The following CERS6 variants were observed in gnomAD, a reference collection of about 807,000 sequenced individuals.
CERS6 encodes LAG1 homolog, ceramide synthase 6.
CERS6 carries 26 observed loss-of-function variants against 56.8 expected under a neutral mutation model. The observed-to-expected ratio is 0.46, with a 90% CI of 0.34 to 0.63. The LOEUF is 0.63. CERS6 is among the 30% of genes least tolerant of loss of function. CERS6 has a pLI of 0.01. For synonymous variants in CERS6, 164 were observed against 173.3 expected (o/e 0.95, Z 0.42); for missense variants, 415 against 467.5 (o/e 0.89, Z 1.04).
Position 168,740,638 on chromosome 2 carries a change from C to G in CERS6, c.845+22660C>G, listed in dbSNP as rs1184987583. Among the ~76,000 whole-genome samples the G allele has an allele frequency of 2.0e-5, 3 of 152,224 alleles. No homozygotes were observed. In the East Asian group the frequency reaches 5.8e-4, roughly 29 times the overall value. ...CGTCTGAAGAATGAGTCTGGGTTAACTCAGCGCCTGGGGCATCACAGATCT... is the reference window on the plus strand; with the variant it reads ...CGTCTGAAGAATGAGTCTGGGTTAAGTCAGCGCCTGGGGCATCACAGATCT... On this transcript the variant is annotated intron_variant, in intron 8 of 9. Coordinates refer to ENST00000305747, the MANE Select transcript of CERS6 (RefSeq NM_203463.3).
At chr2:168,659,775 G>T (rs2105327112) in intron 4 of CERS6, among the ~76,000 whole-genome samples, 1 of 151,810 alleles carries the variant, frequency 6.6e-6, no homozygotes, top group Admixed American at 6.6e-5. Context: ...CAATGTCCCT[G>T]GTACCTGACA....
chr2:168,692,053 C>T (rs1686517628), intron 5 of CERS6, among the ~76,000 whole-genome samples: 2 of 152,094 alleles, frequency 1.3e-5, no homozygotes, highest in African/African-American at 4.8e-5. Flanking sequence ...TGAGCTAGTT[C>T]AACGTTAAGG....
intron 1 of CERS6, among the ~76,000 whole-genome samples, chr2:168,503,076 T>C (rs1448432414): frequency 6.6e-6 from 1 of 152,110 alleles, no homozygotes; most frequent in East Asian, 1.9e-4. Context: ...CCCATGCTTT[T>C]CTCATAGTAG....
intron 8 of CERS6, among the ~76,000 whole-genome samples, chr2:168,740,809 G>C (rs1263853087): frequency 1.3e-5 from 2 of 152,196 alleles, no homozygotes; most frequent in Non-Finnish European, 2.9e-5. Flanking sequence ...TTTTGTTTAT[G>C]ATCACTTTAA....
chr2:168,577,195 C>T (rs1187441234), intron 3 of CERS6, among the ~76,000 whole-genome samples: 1 of 152,018 alleles, frequency 6.6e-6, no homozygotes, highest in Non-Finnish European at 1.5e-5. Flanking sequence ...CTTGAGACAG[C>T]CTCGTATGAG....
At chr2:168,560,481 A>C (rs1695767578) in intron 2 of CERS6, among the ~76,000 whole-genome samples, 1 of 152,218 alleles carries the variant, frequency 6.6e-6, no homozygotes, top group East Asian at 1.9e-4. Flanking sequence ...GGAATTGAAC[A>C]AGTGCCTATC....
At chr2:168,598,341 AG>A (rs1262575537) in intron 3 of CERS6, among the ~76,000 whole-genome samples, 6 of 152,174 alleles carry the variant, frequency 3.9e-5, no homozygotes, top group African/African-American at 1.4e-4. Flanking sequence ...TTTGGGGGGA[AG>A]AGAAAACATA....
At chr2:168,479,692 T>G (rs899276022) in intron 1 of CERS6, among the ~76,000 whole-genome samples, 1 of 152,180 alleles carries the variant, frequency 6.6e-6, no homozygotes, top group Admixed American at 6.5e-5. Flanking sequence ...CACTGCAACC[T>G]CCTCCTCCTG....
intron 1 of CERS6, among the ~76,000 whole-genome samples, chr2:168,511,439 T>G (rs922128880): frequency 5.9e-5 from 9 of 152,212 alleles, no homozygotes; most frequent in African/African-American, 2.2e-4. Context: ...GTCTTTTTGC[T>G]TCCTTTGTGG....
intron 3 of CERS6, among the ~76,000 whole-genome samples, chr2:168,597,981 T>C (rs1683840662): frequency 6.6e-6 from 1 of 152,234 alleles, no homozygotes; most frequent in East Asian, 1.9e-4. Context: ...TTCAGACTTT[T>C]TTTTGTCCTT....
intron 8 of CERS6, 55 bp from the exon 9 acceptor site, chr2:168,765,537 C>T (rs1684706966): frequency 1.1e-5 from 17 of 1,582,430 alleles, no homozygotes; most frequent in Non-Finnish European, 1.5e-5. Context: ...ACTAGAGTTC[C>T]TTGGAAAGCA....
chr2:168,745,428 A>G (rs1000909218), intron 8 of CERS6, among the ~76,000 whole-genome samples: 1 of 152,034 alleles, frequency 6.6e-6, no homozygotes, highest in Non-Finnish European at 1.5e-5. Context: ...TTTTTAGTAG[A>G]GACGGGGTTT....
At chr2:168,649,163 C>T (rs1284917654) in intron 4 of CERS6, among the ~76,000 whole-genome samples, 1 of 152,174 alleles carries the variant, frequency 6.6e-6, no homozygotes, top group African/African-American at 2.4e-5. Flanking sequence ...CATACTGCCT[C>T]AAGCTGTACT....
chr2:168,644,402 G>A (rs901968002), intron 4 of CERS6: 24 of 973,676 alleles, frequency 2.5e-5, no homozygotes, highest in Non-Finnish European at 2.9e-5. Flanking sequence ...TGAGAGGCAA[G>A]TGAGGCAGAT....
chr2:168,479,661 T>C (rs1262596508), intron 1 of CERS6, among the ~76,000 whole-genome samples: 1 of 152,156 alleles, frequency 6.6e-6, no homozygotes, highest in East Asian at 1.9e-4. Context: ...CAGGCTGGAG[T>C]GCAATGGCGC....
At chr2:168,549,435 G>C (rs892135052) in intron 2 of CERS6, among the ~76,000 whole-genome samples, 1 of 152,198 alleles carries the variant, frequency 6.6e-6, no homozygotes. Context: ...AAGAGATCGA[G>C]ACCACCTTGG....
intron 1 of CERS6, among the ~76,000 whole-genome samples, chr2:168,502,491 C>A (rs150111626): frequency 2.0e-5 from 3 of 152,036 alleles, no homozygotes; most frequent in Non-Finnish European, 2.9e-5. Context: ...TCATCTGCAG[C>A]ATGGTTGTCT....
In CERS6 at chr2:168,657,937, C is replaced by T. The variant is rs182329607; in HGVS notation, c.465+26895C>T. ...TCCTCAAATGCCACCGAAGTGGGAGCCCAGGCAGGGGAGGTGCCGAGAGCA... is the reference window on the plus strand; with the variant it reads ...TCCTCAAATGCCACCGAAGTGGGAGTCCAGGCAGGGGAGGTGCCGAGAGCA... On this transcript the variant is annotated intron_variant, in intron 4 of 9. Coordinates refer to ENST00000305747, the MANE Select transcript of CERS6 (RefSeq NM_203463.3). Among the ~76,000 whole-genome samples the T allele has an allele frequency of 3.7e-4, 56 of 152,314 alleles. 1 individual carries two copies. Among genetic ancestry groups the T allele is most frequent in the South Asian group, 1.9e-3 (9 of 4,830 alleles).
chr2:168,753,863 G>T (rs1036920202), intron 8 of CERS6, among the ~76,000 whole-genome samples: 1 of 152,160 alleles, frequency 6.6e-6, no homozygotes, highest in Admixed American at 6.5e-5. Context: ...GCTAGCTAGA[G>T]GAGAAATTTC....
Sources: allele counts gnomAD v4.1 joint callset (sites outside exome capture counted in the v4.1 genomes callset), GRCh38; gene constraint gnomAD v4.1.1; transcripts MANE v1.5; gene names NCBI Gene and HGNC (gene_info 2026-07-23, HGNC 2026-07-21).